The following SYNDIG1 variants were observed in gnomAD, a reference collection of about 807,000 sequenced individuals.
The protein encoded by SYNDIG1 is synapse differentiation inducing 1.
In SYNDIG1, 9 loss-of-function variants were observed where a neutral mutation model predicts 19.4. The observed-to-expected ratio is 0.46, with a 90% CI of 0.28 to 0.81. The LOEUF (loss-of-function observed/expected upper bound fraction) is 0.81, where lower values mean the gene tolerates loss of function less well. Among genes scored for constraint, SYNDIG1 ranks in the 30% least tolerant of loss-of-function variants. The pLI is 0.12. For missense variants in SYNDIG1, 311 were observed against 343.3 expected, an observed-to-expected ratio of 0.91 and a Z score of 0.74; for synonymous variants, 141 against 145.9, an observed-to-expected ratio of 0.97 and a Z score of 0.24.
intron 2 of SYNDIG1, among the ~76,000 whole-genome samples, chr20:24,557,060 C>T (rs2057835738): frequency 6.6e-6 from 1 of 152,144 alleles, no homozygotes; most frequent in African/African-American, 2.4e-5. Context: ...TTCATTTCAT[C>T]TTCCATCACT....
chr20:24,530,104 C>G (rs2057225645), intron 1 of SYNDIG1, among the ~76,000 whole-genome samples: 1 of 11,620 alleles, frequency 8.6e-5, no homozygotes, highest in Non-Finnish European at 2.0e-4. Flanking sequence ...AAGCTTCCTC[C>G]CTCCACATTA....
chr20:24,587,814 A>G (rs569674318), intron 3 of SYNDIG1, among the ~76,000 whole-genome samples: 7 of 152,336 alleles, frequency 4.6e-5, no homozygotes, highest in African/African-American at 1.4e-4. Context: ...GCCATTCACA[A>G]GGAAATCTTT....
At position 24,623,901 on chromosome 20, in the gene SYNDIG1, C is replaced by A. The variant is rs76042274; in HGVS notation, c.618+38908C>A. ...CCTTACAAAGATGGCAACCATTAATCTGACTGTATTAATTATCAGTTATAT... is the reference window on the plus strand; with the variant it reads ...CCTTACAAAGATGGCAACCATTAATATGACTGTATTAATTATCAGTTATAT... On this transcript the variant is annotated intron_variant, in intron 3 of 3. Coordinates refer to ENST00000376862, the MANE Select transcript of SYNDIG1 (RefSeq NM_024893.3). Among the ~76,000 whole-genome samples the A allele has an allele frequency of 7.5e-3, 1,138 of 152,314 alleles. 18 individuals carry two copies. Among genetic ancestry groups the A allele is most frequent in the African/African-American group, 0.026 (1,079 of 41,562 alleles).
At chr20:24,574,614 A>T (rs1414854059) in intron 2 of SYNDIG1, among the ~76,000 whole-genome samples, 1 of 152,238 alleles carries the variant, frequency 6.6e-6, no homozygotes, top group South Asian at 2.1e-4. Flanking sequence ...GGTGAACTCA[A>T]TGAAGGAACT....
intron 2 of SYNDIG1, among the ~76,000 whole-genome samples, chr20:24,575,541 C>G: frequency 6.6e-6 from 1 of 152,330 alleles, no homozygotes. Flanking sequence ...AGTCAAGCCC[C>G]AAACGCTCAC....
chr20:24,627,007 G>A (rs2059154253), intron 3 of SYNDIG1, among the ~76,000 whole-genome samples: 1 of 152,286 alleles, frequency 6.6e-6, no homozygotes, highest in African/African-American at 2.4e-5. Context: ...GGAGGTTGCA[G>A]TGAGCCGAGA....
At chr20:24,494,910 A>G (rs537606933) in intron 1 of SYNDIG1, among the ~76,000 whole-genome samples, 41 of 152,256 alleles carry the variant, frequency 2.7e-4, no homozygotes, top group Middle Eastern at 3.4e-3. Context: ...GAGTTTTTGC[A>G]TTAATGTAGG....
intron 3 of SYNDIG1, among the ~76,000 whole-genome samples, chr20:24,656,719 A>G (rs1481034600): frequency 6.6e-6 from 1 of 152,212 alleles, no homozygotes; most frequent in Non-Finnish European, 1.5e-5. Context: ...GCGTGCTCGC[A>G]CTTGAGCAGT....
chr20:24,560,013 G>A (rs1294304869), intron 2 of SYNDIG1, among the ~76,000 whole-genome samples: 49 of 123,486 alleles, frequency 4.0e-4, no homozygotes, highest in African/African-American at 1.5e-3. Context: ...GAAGGTTTTG[G>A]CCATTATTTC....
intron 1 of SYNDIG1, among the ~76,000 whole-genome samples, chr20:24,490,622 G>A (rs538429792): frequency 3.2e-4 from 49 of 152,302 alleles, no homozygotes; most frequent in African/African-American, 1.1e-3. Context: ...TGGTGTCGTC[G>A]GGGCAATTAC....
rs1229186323 is a variant in SYNDIG1 at position 24,658,019 on chromosome 20, G to C, written c.619-7327G>C. ...TGTCTGGCGAGGGCATAACTGCTGAGGACCCCCAGCTGTGCTGGCCCCGGT... is the reference window on the plus strand; with the variant it reads ...TGTCTGGCGAGGGCATAACTGCTGACGACCCCCAGCTGTGCTGGCCCCGGT... On this transcript the variant is annotated intron_variant, in intron 3 of 3. Transcript: ENST00000376862. This position sits in a 1 kb window ranked among gnomAD's most constrained non-coding sequence, Gnocchi z 4.4. 6.6e-6 allele frequency among the ~76,000 whole-genome samples: 1 copy of C among 152,178 alleles called. No homozygotes were observed. Among genetic ancestry groups the C allele is most frequent in the Admixed American group, 6.5e-5 (1 of 15,284 alleles).
intron 3 of SYNDIG1, among the ~76,000 whole-genome samples, chr20:24,643,968 T>C (rs1235784887): frequency 6.6e-6 from 1 of 152,248 alleles, no homozygotes; most frequent in Non-Finnish European, 1.5e-5. Context: ...AACTGAGCCT[T>C]AGCAATAATT....
chr20:24,600,984 C>A (rs2058671929), intron 3 of SYNDIG1, among the ~76,000 whole-genome samples: 1 of 152,182 alleles, frequency 6.6e-6, no homozygotes, highest in South Asian at 2.1e-4. Flanking sequence ...TATCTTGTAT[C>A]AACGGAAAAA....
At chr20:24,527,862 C>T (rs934667207) in intron 1 of SYNDIG1, among the ~76,000 whole-genome samples, 3 of 152,176 alleles carry the variant, frequency 2.0e-5, no homozygotes, top group Non-Finnish European at 4.4e-5. Flanking sequence ...CAACCTGGGG[C>T]TTAACATGCC....
At chr20:24,531,954 T>G (rs1480164734) in intron 1 of SYNDIG1, among the ~76,000 whole-genome samples, 1 of 152,216 alleles carries the variant, frequency 6.6e-6, no homozygotes, top group Non-Finnish European at 1.5e-5. Context: ...CTTCCATTGG[T>G]GGGTAACAGA....
In SYNDIG1 at chr20:24,499,247, A is replaced by G. The variant is rs181478749; in HGVS notation, c.-79+29494A>G. ...ACCATGTTGGCCAGGCTGGTCTCGA[A>G]CTCCTAACCTCAAGTGATCCAACCG... On this transcript the variant is annotated intron_variant, in intron 1 of 3. Transcript: ENST00000376862. Among the ~76,000 whole-genome samples, 341 of 152,128 alleles carry G rather than the reference A, an allele frequency of 2.2e-3. 1 individual carries two copies. The highest frequency in any genetic ancestry group is 7.9e-3 in the African/African-American group (327 of 41,512).
At chr20:24,593,242 T>C (rs913887639) in intron 3 of SYNDIG1, among the ~76,000 whole-genome samples, 2 of 152,222 alleles carry the variant, frequency 1.3e-5, no homozygotes, top group Non-Finnish European at 2.9e-5. Flanking sequence ...TCCTTTTCTT[T>C]GTGTTCATGT....
intron 3 of SYNDIG1, among the ~76,000 whole-genome samples, chr20:24,620,884 C>T (rs2059027873): frequency 6.6e-6 from 1 of 152,228 alleles, no homozygotes; most frequent in Non-Finnish European, 1.5e-5. Context: ...AAAATGCCTT[C>T]TGTCAGTTCT....
At chr20:24,661,823 C>G (rs2059607185) in intron 3 of SYNDIG1, among the ~76,000 whole-genome samples, 2 of 152,142 alleles carry the variant, frequency 1.3e-5, no homozygotes, top group South Asian at 4.2e-4. Context: ...CACTCCCAGA[C>G]CTCTCTGCCA....
Sources: allele counts gnomAD v4.1 joint callset (sites outside exome capture counted in the v4.1 genomes callset), GRCh38; gene constraint gnomAD v4.1.1; non-coding constraint Gnocchi (gnomAD v3.1); transcripts MANE v1.5; gene names NCBI Gene and HGNC (gene_info 2026-07-23, HGNC 2026-07-21).